HUWE1: variants seen among roughly 807,000 people sequenced by gnomAD.
HUWE1 encodes the protein HECT, UBA and WWE domain containing E3 ubiquitin protein ligase 1.
In HUWE1, 18 loss-of-function variants were observed where a neutral mutation model predicts 299.4. The observed-to-expected ratio is 0.06, with a 90% confidence interval of 0.04 to 0.09. The LOEUF (loss-of-function observed/expected upper bound fraction) is 0.09, where lower values mean the gene tolerates loss of function less well. HUWE1 is among the 10% of genes least tolerant of loss of function. HUWE1 has a pLI of 1.00. For missense variants in HUWE1, 1,832 were observed against 3,462.3 expected, an observed-to-expected ratio of 0.53 and a Z score of 11.82; for synonymous variants, 1,317 against 1,286.1, an observed-to-expected ratio of 1.02 and a Z score of -0.51.
At chrX:53,553,146 AT>A (rs1344595788) in intron 61 of HUWE1, among the ~76,000 whole-genome samples, 1 of 108,766 alleles carries the variant, frequency 9.2e-6, no homozygotes, top group East Asian at 2.9e-4. Flanking sequence ...CAGGTAAGGG[AT>A]TTTTTTTTGG....
intron 17 of HUWE1, among the ~76,000 whole-genome samples, chrX:53,627,020 C>G (rs782131277): frequency 9.0e-6 from 1 of 111,198 alleles, no homozygotes; most frequent in East Asian, 2.8e-4. Flanking sequence ...CTCTCTCTAC[C>G]AAGCATATTT....
rs182502904 is a variant in HUWE1, at chrX:53,664,385, C to T, written c.-24-10254G>A. Reference sequence around the variant, plus strand: ...TTCCTTAAGGAAGAAAACACTGGCCCCTGAGCCAAAGGACATGCACCAGAT... The same window carrying T: ...TTCCTTAAGGAAGAAAACACTGGCCTCTGAGCCAAAGGACATGCACCAGAT... On this transcript the variant is annotated intron_variant, in intron 3 of 83. Transcript: ENST00000262854. Among the ~76,000 whole-genome samples, 329 of 111,874 alleles carry T rather than the reference C, an allele frequency of 2.9e-3. 3 individuals are homozygous for T. Among genetic ancestry groups the T allele is most frequent in the Middle Eastern group, 4.6e-3 (1 of 218 alleles).
chrX:53,601,771 C>T (rs1013102109), intron 28 of HUWE1, among the ~76,000 whole-genome samples: 13 of 107,780 alleles, frequency 1.2e-4, no homozygotes, highest in African/African-American at 3.0e-4. Context: ...CAGGTTCAAG[C>T]GATTCTCCTG....
chrX:53,591,745 A>C (rs782162973), intron 33 of HUWE1, among the ~76,000 whole-genome samples: 1 of 112,717 alleles, frequency 8.9e-6, no homozygotes, highest in South Asian at 3.6e-4. Context: ...ATCTTGTGTG[A>C]TAAAATTACG....
Position 53,548,271 on chromosome X carries a change from T to C in HUWE1, c.10038A>G (p.Val3346=), listed in dbSNP as rs1169705354. The C allele has an allele frequency of 8.8e-5, 106 of 1,206,958 alleles. No individual in the cohort carries two copies. The East Asian group carries it at 2.7e-3, about 31-fold the overall frequency. ...GCTGCTGTGTGAAGTGGCTGGGAAA[T>C]ACCTGCCGGGAAAAGGAGGACAAGG... The part of the protein sequence containing the change: ...VLDTLIQLAK[V]FPSHFTQQRT... The change falls in exon 68 of 84, where the codon GTA becomes GTG. Residue 3346 remains valine, a splice_region_variant and synonymous_variant. Transcript: ENST00000262854.
chrX:53,542,926 C>T (rs1556919840), intron 73 of HUWE1: 2 of 138,181 alleles, frequency 1.4e-5, no homozygotes, highest in Admixed American at 8.4e-5. Flanking sequence ...GGTAGGTCTG[C>T]TCTTTGTTTC....
intron 8 of HUWE1, among the ~76,000 whole-genome samples, chrX:53,633,346 C>T (rs2066993345): frequency 8.9e-6 from 1 of 112,466 alleles, no homozygotes; most frequent in African/African-American, 3.2e-5. Flanking sequence ...TTAAAGTACA[C>T]GTTAACCTTT....
Position 53,627,872 on chromosome X carries a change from T to C in HUWE1, c.1250A>G (p.Lys417Arg), listed in dbSNP as rs868947266. ...GMMEALLKVIKFLGDEQDQIT... is the reference protein window; with the variant it reads ...GMMEALLKVIRFLGDEQDQIT... ...CTGGTCCTGTTCATCGCCAAGAAAC[T>C]TTATGACCTATCACGGAGAAAAAGA... Residue 417 changes from lysine (K) to arginine (R), a missense_variant, in exon 16 of 84, where the codon AAG becomes AGG. Physicochemically the swap from Lys to Arg is conservative, Grantham distance 26 (BLOSUM62 2). Coordinates refer to ENST00000262854, the MANE Select transcript of HUWE1 (RefSeq NM_031407.7). 1 of 1,209,402 alleles carries C rather than the reference T, an allele frequency of 8.3e-7. No homozygotes were observed. The highest frequency in any genetic ancestry group is 2.3e-4 in the Middle Eastern group (1 of 4,349).
In HUWE1 at chrX:53,576,998, G is replaced by C; in HGVS notation, c.5786C>G (p.Pro1929Arg). 8.3e-7 allele frequency: 1 copy of C among 1,206,124 alleles called. No individual in the cohort carries two copies. Among genetic ancestry groups the C allele is most frequent in the Non-Finnish European group, 1.1e-6 (1 of 890,450 alleles). Residue 1929 changes from proline (P) to arginine (R), a missense_variant, in exon 44 of 84, where the codon CCT (proline) becomes CGT (arginine). By Grantham distance (103) the Pro-to-Arg change is moderately radical. Coordinates refer to ENST00000262854, the MANE Select transcript of HUWE1 (RefSeq NM_031407.7). ...PNAVQLVKTT[P>R]LKPSPLPVIP... is the part of the protein sequence containing the mutation. ...GACAGGCAGAGGTGAGGGCTTCAAA[G>C]GGGTGGTCTTCACCAGCTGTACAGC...
rs1240106512 is a variant in HUWE1 at position 53,651,339 on chromosome X, T to C, written c.45+2724A>G. On this transcript the variant is annotated intron_variant, in intron 4 of 83. Transcript: ENST00000262854. ...TGTGCATGATTGTGTGTGGTAAGAA[T>C]ACTTAACGTGAGATCTACCCTCGTA... 3.7e-5 allele frequency among the ~76,000 whole-genome samples: 4 copies of C among 108,736 alleles called. No individual in the cohort carries two copies. The East Asian group carries it at 1.2e-3, about 32-fold the overall frequency. The allele number at this position is 108,736 out of a possible 115,157, so 94.4% of individuals were successfully genotyped here. A position where few individuals can be genotyped will look rare whatever the true frequency, so the allele number is the denominator to read the frequency against.
At chrX:53,543,783 A>G (rs2061444647) in intron 73 of HUWE1, 58 bp downstream of exon 73, 4 of 1,205,993 alleles carry the variant, frequency 3.3e-6, no homozygotes, top group Non-Finnish European at 4.5e-6. Flanking sequence ...CACTGATGAC[A>G]TGGTGGGGGG....
chrX:53,629,438 C>A (rs188749685), intron 13 of HUWE1, 78 bp downstream of exon 13: 33 of 668,527 alleles, frequency 4.9e-5, no homozygotes, highest in Admixed American at 9.1e-5. Flanking sequence ...CCCTCCCCCC[C>A]CAAAAAAGTC....
intron 24 of HUWE1, 58 bp downstream of exon 24, chrX:53,608,794 C>T: frequency 4.1e-6 from 3 of 724,741 alleles, no homozygotes; most frequent in Non-Finnish European, 6.7e-6. Context: ...TAACGAAACA[C>T]ATTTTCCAGA....
chrX:53,684,867 A>G (rs1223866969), intron 2 of HUWE1, among the ~76,000 whole-genome samples: 1 of 112,323 alleles, frequency 8.9e-6, no homozygotes, highest in Non-Finnish European at 1.9e-5. Flanking sequence ...CATTAGTTCT[A>G]GTTCCAAAGC....
intron 28 of HUWE1, among the ~76,000 whole-genome samples, chrX:53,600,765 A>G (rs1235521064): frequency 8.9e-6 from 1 of 112,801 alleles, no homozygotes; most frequent in Non-Finnish European, 1.9e-5. Flanking sequence ...TTTCTTTGGT[A>G]TATGCTTGCT....
At position 53,664,561 on chromosome X, in the gene HUWE1, T is replaced by G. The variant is rs184211884; in HGVS notation, c.-24-10430A>C. ...GAGATGTTGCACGTAAGTACGGGAG[T>G]GGGGATGAATCAAAATGAGCCTAAA... On this transcript the variant is annotated intron_variant, in intron 3 of 83. Transcript: ENST00000262854. Among the ~76,000 whole-genome samples the G allele has an allele frequency of 6.9e-3, 772 of 111,672 alleles. 7 individuals carry two copies. The highest frequency in any genetic ancestry group is 0.024 in the African/African-American group (733 of 30,695).
rs996736414 is a variant in HUWE1 at position 53,587,653 on chromosome X, T to C, written c.4614+729A>G. Among the ~76,000 whole-genome samples, 3 of 111,851 alleles carry C rather than the reference T, an allele frequency of 2.7e-5. No individual in the cohort carries two copies. In the South Asian group the frequency reaches 1.1e-3, roughly 42 times the overall value. On this transcript the variant is annotated intron_variant, in intron 37 of 83. Coordinates refer to ENST00000262854, the MANE Select transcript of HUWE1 (RefSeq NM_031407.7). ...TTCCCACAAGTATCTATTTACAAAG[T>C]GCTACAGTAAGAGTTATCACTTCCA...
intron 19 of HUWE1, among the ~76,000 whole-genome samples, chrX:53,622,927 T>C (rs1322618527): frequency 8.9e-6 from 1 of 112,062 alleles, no homozygotes; most frequent in Non-Finnish European, 1.9e-5. Flanking sequence ...AGTCTAATTA[T>C]TTAGGTTTCG....
At chrX:53,536,066 G>A (rs782449869) in intron 80 of HUWE1, 81 bp downstream of exon 80, 87 of 598,128 alleles carry the variant, frequency 1.5e-4, no homozygotes, top group African/African-American at 4.1e-4. Flanking sequence ...AGAAGGTCAC[G>A]CAGTGCTAGT....
Sources: allele counts gnomAD v4.1 joint callset (sites outside exome capture counted in the v4.1 genomes callset), GRCh38; gene constraint gnomAD v4.1.1; transcripts MANE v1.5; gene names NCBI Gene and HGNC (gene_info 2026-07-23, HGNC 2026-07-21).